Variants in XPO6 observed in about 807,000 individuals in gnomAD.
XPO6 encodes the protein exportin 6, also known as exportin-6.
XPO6 carries 3 observed loss-of-function variants against 130.0 expected under a neutral mutation model. That is an observed-to-expected ratio of 0.02 (90% CI 0.01 to 0.06). The LOEUF (loss-of-function observed/expected upper bound fraction) is 0.06, where lower values mean the gene tolerates loss of function less well. Ranked by LOEUF, XPO6 falls within the 10% of genes least tolerant of loss-of-function variation. XPO6 has a pLI of 1.00. For missense variants in XPO6, 970 were observed against 1,393.0 expected (o/e 0.70, Z 4.83); for synonymous variants, 524 against 548.9 (o/e 0.95, Z 0.63).
chr16:28,100,518 G>A (rs188151320), intron 23 of XPO6, among the ~76,000 whole-genome samples: 379 of 152,370 alleles, frequency 2.5e-3, no homozygotes, highest in Non-Finnish European at 4.2e-3. Flanking sequence ...CCTGCCACAC[G>A]TGGCAAATGA....
chr16:28,197,160 G>A (rs988940438), intron 1 of XPO6, among the ~76,000 whole-genome samples: 27 of 152,084 alleles, frequency 1.8e-4, no homozygotes, highest in Non-Finnish European at 1.2e-4. Flanking sequence ...GCTGAGGCAG[G>A]AGAATCACTT....
At chr16:28,157,968 T>C (rs2043209959) in intron 6 of XPO6, among the ~76,000 whole-genome samples, 2 of 152,192 alleles carry the variant, frequency 1.3e-5, no homozygotes, top group African/African-American at 4.8e-5. Flanking sequence ...CTGGAGGCAG[T>C]CTGGCCTCCT....
intron 20 of XPO6, among the ~76,000 whole-genome samples, chr16:28,105,110 T>C (rs1235574445): frequency 6.6e-6 from 1 of 152,222 alleles, no homozygotes; most frequent in Non-Finnish European, 1.5e-5. Context: ...CTTGTTCCTT[T>C]TCCCAGGATA....
At chr16:28,124,599 C>G (rs2087345110) in intron 13 of XPO6, among the ~76,000 whole-genome samples, 1 of 152,122 alleles carries the variant, frequency 6.6e-6, no homozygotes, top group Non-Finnish European at 1.5e-5. Flanking sequence ...CTGTGTGAAC[C>G]GAGGCAAGGC....
In XPO6 at chr16:28,192,488, G is replaced by A. The variant is rs114699893; in HGVS notation, c.4-11457C>T. Among the ~76,000 whole-genome samples the A allele has an allele frequency of 1.0e-2, 1,521 of 152,120 alleles. 32 individuals carry two copies. Among genetic ancestry groups the A allele is most frequent in the African/African-American group, 0.035 (1,447 of 41,470 alleles). On this transcript the variant is annotated intron_variant, in intron 1 of 23. Transcript: ENST00000304658. ...CCATTTCTAGTTGGCCTTGCCACCC[G>A]CCTCCAGACCTAGGGACAAAGAATG...
intron 7 of XPO6, chr16:28,153,681 G>C (rs2043134695): frequency 2.0e-6 from 2 of 985,394 alleles, no homozygotes; most frequent in Non-Finnish European, 2.4e-6. Flanking sequence ...TAGAAAATGA[G>C]ATGGCCATAC....
At chr16:28,167,047 G>A in intron 5 of XPO6, 1 of 807,100 alleles carries the variant, frequency 1.2e-6, no homozygotes, top group Non-Finnish European at 1.5e-6. Flanking sequence ...GTTTCCCCAG[G>A]TTCCCTGACT....
intron 9 of XPO6, among the ~76,000 whole-genome samples, chr16:28,141,865 C>T (rs763012667): frequency 8.5e-5 from 13 of 152,236 alleles, no homozygotes; most frequent in Non-Finnish European, 1.6e-4. Flanking sequence ...AAGGCTGAGG[C>T]AGGAGAATGG....
chr16:28,186,371 A>ATTTTTTTTTTTTTTTTTT (rs1237138991), intron 1 of XPO6, among the ~76,000 whole-genome samples: 25 of 10,104 alleles, frequency 2.5e-3, no homozygotes, highest in South Asian at 3.0e-3. Flanking sequence ...TGCCCCAGTT[A>ATTTTTTTTTTTTTTTTTT]TTCTTTTTTT....
At position 28,157,358 on chromosome 16, in the gene XPO6, G is replaced by A. The variant is rs559220035; in HGVS notation, c.644-831C>T. ...TAATCCCAGCTACTTGGGAGGCTGA[G>A]GCAGGAGAATCGCTTGAACCCAGGA... On this transcript the variant is annotated intron_variant, in intron 6 of 23. Coordinates refer to ENST00000304658, the MANE Select transcript of XPO6 (RefSeq NM_015171.4). Among the ~76,000 whole-genome samples the A allele has an allele frequency of 2.5e-4, 38 of 151,390 alleles. 1 individual carries two copies. In the South Asian group the frequency reaches 7.6e-3, roughly 30 times the overall value.
chr16:28,140,738 T>C (rs1237071571), intron 9 of XPO6, among the ~76,000 whole-genome samples: 1 of 151,996 alleles, frequency 6.6e-6, no homozygotes, highest in Non-Finnish European at 1.5e-5. Context: ...GAAGGAAATT[T>C]ACAGCATTAA....
At chr16:28,112,809 T>C in intron 16 of XPO6, 95 bp downstream of exon 16, 1 of 1,478,684 alleles carries the variant, frequency 6.8e-7, no homozygotes, top group Non-Finnish European at 9.1e-7. Context: ...CTGTAAGCTC[T>C]GAGTACAAAA....
chr16:28,108,017 T>C (rs1305205204), intron 17 of XPO6, among the ~76,000 whole-genome samples: 1 of 152,134 alleles, frequency 6.6e-6, no homozygotes, highest in Non-Finnish European at 1.5e-5. Flanking sequence ...ACCCCCAGGT[T>C]GGGTGCCTTG....
At chr16:28,169,945 G>T (rs1194240574) in intron 4 of XPO6, 36 bp from the exon 5 acceptor site, 1 of 1,609,668 alleles carries the variant, frequency 6.2e-7, no homozygotes, top group East Asian at 2.2e-5. Context: ...CAGAGTGTTG[G>T]ACTAATAAAG....
chr16:28,171,493 G>C (rs1051604084), intron 4 of XPO6, among the ~76,000 whole-genome samples: 2 of 151,232 alleles, frequency 1.3e-5, no homozygotes, highest in Non-Finnish European at 2.9e-5. Context: ...AGAAATACAG[G>C]GTACATTCCT....
chr16:28,195,136 T>G (rs1369888809), intron 1 of XPO6, among the ~76,000 whole-genome samples: 2 of 152,028 alleles, frequency 1.3e-5, no homozygotes, highest in African/African-American at 4.8e-5. Flanking sequence ...GCAAGACAAC[T>G]GGTGCCACCT....
intron 12 of XPO6, among the ~76,000 whole-genome samples, chr16:28,126,936 T>A (rs2087431575): frequency 6.6e-6 from 1 of 152,080 alleles, no homozygotes; most frequent in Non-Finnish European, 1.5e-5. Context: ...TCCTGTCTCT[T>A]AGGAGGCGAG....
chr16:28,168,738 A>G (rs1419983868), intron 5 of XPO6, among the ~76,000 whole-genome samples: 1 of 150,610 alleles, frequency 6.6e-6, no homozygotes, highest in Admixed American at 6.6e-5. Flanking sequence ...AGTAGCTGGG[A>G]CTACAGGCAT....
At chr16:28,162,560 A>ATTT (rs113189417) in intron 6 of XPO6, among the ~76,000 whole-genome samples, 1 of 140,060 alleles carries the variant, frequency 7.1e-6, no homozygotes. Context: ...CATATTTGTA[A>ATTT]TTTTTTTTTT....
Sources: allele counts gnomAD v4.1 joint callset (sites outside exome capture counted in the v4.1 genomes callset), GRCh38; gene constraint gnomAD v4.1.1; transcripts MANE v1.5; gene names NCBI Gene and HGNC (gene_info 2026-07-23, HGNC 2026-07-21).